Variants in ECM2 observed in about 807,000 individuals in gnomAD.
ECM2 encodes the protein extracellular matrix protein 2, female organ and adipocyte specific.
A neutral mutation model predicts 67.5 loss-of-function variants in ECM2; 57 were observed. The observed-to-expected ratio is 0.84, with a 90% CI of 0.68 to 1.05. The LOEUF is 1.05. ECM2 is among the 50% of genes least tolerant of loss of function. The probability of loss-of-function intolerance (pLI) is 0.00; values close to 1 mark genes in which losing one functional copy is unlikely to be tolerated. For missense variants in ECM2, 741 were observed against 822.8 expected (o/e 0.90, Z 1.22); for synonymous variants, 258 against 294.5 (o/e 0.88, Z 1.27).
chr9:92,559,025 G>A, the ECM2 span, among the ~76,000 whole-genome samples: 2 of 152,028 alleles, frequency 1.3e-5, no homozygotes, highest in African/African-American at 2.4e-5. Context: ...GGGCAAGAGG[G>A]GCTTGAAAAC....
At chr9:92,510,593 G>A (rs1306715392) in intron 5 of ECM2, among the ~76,000 whole-genome samples, 1 of 152,218 alleles carries the variant, frequency 6.6e-6, no homozygotes, top group Non-Finnish European at 1.5e-5. Context: ...CTGGAAAAGT[G>A]TCTTTTTCAC....
upstream of ECM2, among the ~76,000 whole-genome samples, chr9:92,538,117 C>T: frequency 6.6e-6 from 1 of 152,086 alleles, no homozygotes; most frequent in East Asian, 1.9e-4. Flanking sequence ...TCTTTCTGTA[C>T]AAAAGTGTGC....
At chr9:92,522,987 TC>T in intron 1 of ECM2, 94 bp from the exon 2 acceptor site, 1 of 1,209,126 alleles carries the variant, frequency 8.3e-7, no homozygotes, top group Non-Finnish European at 1.1e-6. Context: ...AGTAGGCAAG[TC>T]TTTGAGAAAT....
intron 1 of ECM2, among the ~76,000 whole-genome samples, chr9:92,532,013 A>ATTTTTTTTTTT (rs1368397928): frequency 8.7e-5 from 6 of 68,948 alleles, no homozygotes; most frequent in East Asian, 2.5e-4. Flanking sequence ...TTTTTATTTA[A>ATTTTTTTTTTT]TGTTTTTTTT....
chr9:92,532,015 G>GTTTTTTTTTGTTT (rs1848800192), intron 1 of ECM2, among the ~76,000 whole-genome samples: 1 of 95,736 alleles, frequency 1.0e-5, no homozygotes, highest in African/African-American at 5.9e-5. Context: ...TTTATTTAAT[G>GTTTTTTTTTGTTT]TTTTTTTTTT....
chr9:92,521,026 G>A (rs963633861), intron 2 of ECM2, among the ~76,000 whole-genome samples: 4 of 152,296 alleles, frequency 2.6e-5, no homozygotes, highest in East Asian at 3.9e-4. Context: ...ACAAGATAGT[G>A]GTGATGGTTG....
At chr9:92,536,870 T>A (rs1029452673), upstream of ECM2, among the ~76,000 whole-genome samples, 24 of 70,936 alleles carry the variant, frequency 3.4e-4, no homozygotes, top group South Asian at 2.0e-3. Flanking sequence ...ATTTTTTAAA[T>A]TTTTTTTTTT....
chr9:92,522,487 C>A, intron 2 of ECM2, 88 bp downstream of exon 2: 3 of 1,149,804 alleles, frequency 2.6e-6, no homozygotes, highest in Non-Finnish European at 3.5e-6. Flanking sequence ...TGGAGATGTT[C>A]TCCCTCTCTC....
the ECM2 span, among the ~76,000 whole-genome samples, chr9:92,557,611 A>G: frequency 6.6e-6 from 1 of 151,858 alleles, no homozygotes; most frequent in East Asian, 1.9e-4. Flanking sequence ...GTTCAGTTCT[A>G]TTGCTGAGAC....
the ECM2 span, among the ~76,000 whole-genome samples, chr9:92,555,752 T>A: frequency 6.6e-5 from 10 of 152,332 alleles, no homozygotes; most frequent in South Asian, 1.2e-3. Flanking sequence ...GTTTTGTTTC[T>A]TAGTGAAGTT....
At chr9:92,522,456 T>C (rs922157473) in intron 2 of ECM2, 119 bp downstream of exon 2, 2 of 1,128,144 alleles carry the variant, frequency 1.8e-6, no homozygotes, top group Middle Eastern at 2.1e-4. Flanking sequence ...ACCTGGATTT[T>C]TCTTTAGAAA....
chr9:92,515,949 A>G (rs1052732438), intron 3 of ECM2, among the ~76,000 whole-genome samples: 5 of 152,148 alleles, frequency 3.3e-5, no homozygotes, highest in Admixed American at 2.6e-4. Context: ...GTTAATCTAC[A>G]TTTATATTTA....
intron 1 of ECM2, among the ~76,000 whole-genome samples, chr9:92,528,687 A>G (rs1475190451): frequency 6.6e-6 from 1 of 152,244 alleles, no homozygotes; most frequent in Non-Finnish European, 1.5e-5. Flanking sequence ...TTAGCTCAGT[A>G]GAGGAAAATA....
the ECM2 span, among the ~76,000 whole-genome samples, chr9:92,550,041 C>T: frequency 6.6e-6 from 1 of 152,160 alleles, no homozygotes; most frequent in South Asian, 2.1e-4. Flanking sequence ...ATAACAGAGA[C>T]AGGACACATT....
intron 1 of ECM2, among the ~76,000 whole-genome samples, chr9:92,523,124 A>G (rs186637025): frequency 6.3e-4 from 95 of 151,800 alleles, no homozygotes; most frequent in African/African-American, 2.2e-3. Flanking sequence ...TCCATCGCCC[A>G]GGCTGGAGTG....
the ECM2 span, among the ~76,000 whole-genome samples, chr9:92,553,239 C>T: frequency 6.7e-4 from 102 of 152,218 alleles, no homozygotes; most frequent in East Asian, 0.013. Flanking sequence ...GGGTTTATTT[C>T]TGGGTTGTCT....
intron 4 of ECM2, among the ~76,000 whole-genome samples, chr9:92,512,915 G>A (rs1847444846): frequency 6.6e-6 from 1 of 152,172 alleles, no homozygotes; most frequent in African/African-American, 2.4e-5. Context: ...AGGAGGAAGG[G>A]ACTTTCCTGA....
At chr9:92,531,667 A>G (rs1249078130) in intron 1 of ECM2, among the ~76,000 whole-genome samples, 1 of 152,114 alleles carries the variant, frequency 6.6e-6, no homozygotes, top group Non-Finnish European at 1.5e-5. Context: ...GGCATTACCA[A>G]ATGTAACCCG....
the ECM2 span, among the ~76,000 whole-genome samples, chr9:92,548,207 T>C: frequency 7.2e-6 from 1 of 138,106 alleles, no homozygotes; most frequent in Admixed American, 6.9e-5. Context: ...ATGCTGATGG[T>C]TCTGCTTTGT....
Sources: allele counts gnomAD v4.1 joint callset (sites outside exome capture counted in the v4.1 genomes callset), GRCh38; gene constraint gnomAD v4.1.1; transcripts MANE v1.5; gene names NCBI Gene and HGNC (gene_info 2026-07-23, HGNC 2026-07-21).